CACNA1G: variants seen among roughly 807,000 people sequenced by gnomAD.
The protein encoded by CACNA1G is voltage-dependent T-type calcium channel subunit alpha-1G.
Under a neutral mutation model 219.4 loss-of-function variants are expected in CACNA1G, and 67 were observed. That is an observed-to-expected ratio of 0.31 (90% CI 0.25 to 0.37). The LOEUF is 0.37. CACNA1G is among the 10% of genes least tolerant of loss of function. The pLI, the probability that CACNA1G is intolerant of heterozygous loss-of-function variation, is 1.00. For synonymous variants in CACNA1G, 1,296 were observed against 1,345.3 expected (o/e 0.96, Z 0.80); for missense variants, 2,380 against 3,231.4 (o/e 0.74, Z 6.39).
At chr17:50,564,689 C>A (rs566223794) in intron 1 of CACNA1G, among the ~76,000 whole-genome samples, 17 of 152,224 alleles carry the variant, frequency 1.1e-4, no homozygotes, top group Admixed American at 3.3e-4. Flanking sequence ...CTGCCTATTT[C>A]TCTTACCTAG....
rs1242619236 is a variant in CACNA1G at position 50,617,676 on chromosome 17, C to T, written c.5155+105C>T. ...TCAAGGCCTGGGCGGCTGTGGGTTC[C>T]CATGGGTCTTTCTCCCAGCTTCTGC... On this transcript the variant is annotated intron_variant, in intron 29 of 37. Transcript: ENST00000359106. The surrounding 1 kb of genome is among the most constrained non-coding windows in gnomAD (Gnocchi z 5.8). The T allele has an allele frequency of 4.7e-6, 7 of 1,477,738 alleles. No individual in the cohort carries two copies. The East Asian group carries it at 1.2e-4, about 25-fold the overall frequency. The allele number at this position is 1,477,738 out of a possible 1,614,324, so 91.5% of individuals were successfully genotyped here. A position where few individuals can be genotyped will look rare whatever the true frequency, so the allele number is the denominator to read the frequency against.
chr17:50,599,351 C>T, intron 16 of CACNA1G, 77 bp from the exon 17 acceptor site: 1 of 1,316,602 alleles, frequency 7.6e-7, no homozygotes, highest in Non-Finnish European at 1.0e-6. Context: ...AGTGAGGCTC[C>T]CAGGAGACCG....
chr17:50,612,146 G>T (rs1598651594), intron 26 of CACNA1G, among the ~76,000 whole-genome samples: 1 of 152,266 alleles, frequency 6.6e-6, no homozygotes, highest in East Asian at 1.9e-4. Context: ...TACCCCAGAG[G>T]TTCTCCTACA....
Position 50,618,921 on chromosome 17 carries a change from C to T in CACNA1G, c.5694C>T (p.Pro1898=), listed in dbSNP as rs757588827. 2.1e-4 allele frequency: 335 copies of T among 1,601,300 alleles called. No homozygotes were observed. The highest frequency in any genetic ancestry group is 2.5e-4 in the Non-Finnish European group (299 of 1,172,656). The change falls in exon 33 of 38, where the codon CCC becomes CCT. Residue 1898 remains proline, a synonymous_variant. Transcript: ENST00000359106. This position sits in a 1 kb window ranked among gnomAD's most constrained non-coding sequence, Gnocchi z 5.3. The stretch of plus-strand genomic sequence containing the variant: ...TCCTCTGGCCTGGGGTCGAGGGCCC[C>T]GACAGCCCCGACAGCCCCAAGCCTG... The part of the protein sequence containing the change: ...SPFLWPGVEG[P]DSPDSPKPGA...
intron 1 of CACNA1G, among the ~76,000 whole-genome samples, chr17:50,568,364 C>T (rs2073148656): frequency 6.6e-6 from 1 of 152,150 alleles, no homozygotes; most frequent in African/African-American, 2.4e-5. Context: ...AAATGATCTA[C>T]CCCAGATATT....
chr17:50,623,476 C>T (rs956119038), intron 35 of CACNA1G, among the ~76,000 whole-genome samples: 2 of 151,892 alleles, frequency 1.3e-5, no homozygotes, highest in Non-Finnish European at 2.9e-5. Context: ...CAGCCCATCC[C>T]TGTGGACACC....
In CACNA1G at chr17:50,591,834, C is replaced by T. The variant is rs2044402239; in HGVS notation, c.2735C>T (p.Ala912Val). The T allele has an allele frequency of 6.2e-7, 1 of 1,613,928 alleles. No individual in the cohort carries two copies. The highest frequency in any genetic ancestry group is 8.5e-7 in the Non-Finnish European group (1 of 1,179,852). Residue 912 changes from alanine to valine, a missense_variant, in exon 12 of 38, where the codon GCC becomes GTC. Coordinates refer to ENST00000359106, the MANE Select transcript of CACNA1G (RefSeq NM_018896.5). ...AAGAATTTTGACTCCTTGCTCTGGG[C>T]CATCGTCACTGTCTTTCAGGTGCGA... ...DRKNFDSLLW[A>V]IVTVFQILTQ...
In CACNA1G at chr17:50,561,067, C is replaced by A. The variant is rs1399693278; in HGVS notation, c.-393C>A. On this transcript the variant is annotated 5_prime_UTR_variant, in exon 1 of 38. Coordinates refer to ENST00000359106, the MANE Select transcript of CACNA1G (RefSeq NM_018896.5). Reference sequence around the variant, plus strand: ...AAGAGGGGGCGCCCCTCCCCGGACCCCCGCCCTCCGCCGCTGCCCCCCTTT... The same window carrying A: ...AAGAGGGGGCGCCCCTCCCCGGACCACCGCCCTCCGCCGCTGCCCCCCTTT... 5.1e-6 allele frequency: 2 copies of A among 394,362 alleles called. No individual in the cohort carries two copies. The highest frequency in any genetic ancestry group is 1.8e-5 in the South Asian group (1 of 55,104). The allele number at this position is 394,362 out of a possible 1,614,324, so 24.4% of individuals were successfully genotyped here. A position where few individuals can be genotyped will look rare whatever the true frequency, so the allele number is the denominator to read the frequency against.
In CACNA1G at chr17:50,596,576, G is replaced by T; in HGVS notation, c.2994G>T (p.Lys998Asn). Residue 998 changes from lysine to asparagine, a missense_variant, in exon 15 of 38, where the codon AAG becomes AAT. By Grantham distance (94) the Lys-to-Asn change is moderately conservative. Around this residue, in one of 17 missense-constraint regions of CACNA1G, gnomAD observed 418 missense variants for 434.3 expected, o/e 0.96. Transcript: ENST00000359106. This position sits in a 1 kb window ranked among gnomAD's most constrained non-coding sequence, Gnocchi z 4.8. ...PVDSQGGDAN[K>N]SESEPDFFSP... is the part of the protein sequence containing the mutation. ...CCCTGCCCTAGGGAGATGCCAACAA[G>T]TCCGAATCAGAGCCCGATTTCTTCT... 1 of 1,613,990 alleles carries T rather than the reference G, an allele frequency of 6.2e-7. No individual in the cohort carries two copies. The highest frequency in any genetic ancestry group is 8.5e-7 in the Non-Finnish European group (1 of 1,179,870).
chr17:50,622,249 C>A (rs985815798), intron 35 of CACNA1G, among the ~76,000 whole-genome samples: 2 of 151,130 alleles, frequency 1.3e-5, no homozygotes, highest in African/African-American at 4.9e-5. Flanking sequence ...TCTCTGCCAC[C>A]GCTGCCATGC....
chr17:50,582,152 G>A (rs1283685618), intron 9 of CACNA1G, among the ~76,000 whole-genome samples: 1 of 152,216 alleles, frequency 6.6e-6, no homozygotes, highest in Admixed American at 6.5e-5. Context: ...TACTTGATGT[G>A]GCACATGCTC....
chr17:50,601,188 C>T lies in CACNA1G; in HGVS notation c.3915+14C>T, dbSNP rs377753144. 31 of 1,613,186 alleles carry T rather than the reference C, an allele frequency of 1.9e-5. No individual in the cohort carries two copies. The Admixed American group carries it at 3.2e-4, about 16-fold the overall frequency. ...CCCCACAGCGCTGTGAGTCACCAGCCCCGCTCAGGGCAAGGCCTCTCCTGG... is the reference window on the plus strand; with the variant it reads ...CCCCACAGCGCTGTGAGTCACCAGCTCCGCTCAGGGCAAGGCCTCTCCTGG... On this transcript the variant is annotated intron_variant, in intron 19 of 37. Coordinates refer to ENST00000359106, the MANE Select transcript of CACNA1G (RefSeq NM_018896.5).
Position 50,578,194 on chromosome 17 carries a change from G to A in CACNA1G, c.1931G>A (p.Cys644Tyr), listed in dbSNP as rs200203979. 641 of 1,572,310 alleles carry A rather than the reference G, an allele frequency of 4.1e-4. No homozygotes were observed. The highest frequency in any genetic ancestry group is 2.9e-3 in the Middle Eastern group (17 of 5,766). The change falls in exon 9 of 38, where the codon TGC (cysteine) becomes TAC (tyrosine). Residue 644 changes from cysteine (C) to tyrosine (Y), a missense_variant. This residue lies in a region of CACNA1G where 434 missense variants were observed against 417.3 expected (regional missense o/e 1.04). Transcript: ENST00000359106. The surrounding 1 kb of genome is among the most constrained non-coding windows in gnomAD (Gnocchi z 4.5). ...KLLETQSTGA[C>Y]QSSCKISSPC... ...CTCTACTCTCCTGTTCCAGGTGCCT[G>A]CCAAAGCTCTTGCAAGATCTCCAGC...
chr17:50,576,148 G>C lies in CACNA1G; in HGVS notation c.1746G>C (p.Arg582Ser), dbSNP rs1175648209. 1 of 1,608,444 alleles carries C rather than the reference G, an allele frequency of 6.2e-7. No individual in the cohort carries two copies. Among genetic ancestry groups the C allele is most frequent in the Non-Finnish European group, 8.5e-7 (1 of 1,178,114 alleles). The change falls in exon 8 of 38, where the codon AGG becomes AGC. Residue 582 changes from arginine (R) to serine (S), a missense_variant. Transcript: ENST00000359106. Reference protein sequence around the residue: ...PPRSPSEASGRTVGSGKVYPT... With the variant: ...PPRSPSEASGSTVGSGKVYPT... ...GGTCCCCATCTGAGGCATCCGGCAG[G>C]ACTGTGGGCAGCGGGAAGGTGTATC...
At chr17:50,608,095 G>C in intron 25 of CACNA1G, 76 bp downstream of exon 25, 1 of 1,382,794 alleles carries the variant, frequency 7.2e-7, no homozygotes, top group East Asian at 2.5e-5. Flanking sequence ...CCTTGCGACT[G>C]CAGGGGGCTG....
chr17:50,594,426 G>A lies in CACNA1G; in HGVS notation c.2911-567G>A, dbSNP rs374410593. On this transcript the variant is annotated intron_variant, in intron 13 of 37. Coordinates refer to ENST00000359106, the MANE Select transcript of CACNA1G (RefSeq NM_018896.5). ...ACGTTATGAGGCCTGACTTGGCTCC[G>A]TGTTGACTCTGACTTTCGTCCATTC... Among the ~76,000 whole-genome samples the A allele has an allele frequency of 2.6e-5, 4 of 152,306 alleles. No individual in the cohort carries two copies. The South Asian group carries it at 6.2e-4, about 24-fold the overall frequency.
At chr17:50,586,324 T>C (rs1047033850) in intron 9 of CACNA1G, among the ~76,000 whole-genome samples, 2 of 152,112 alleles carry the variant, frequency 1.3e-5, no homozygotes, top group Non-Finnish European at 2.9e-5. Flanking sequence ...CCTGCCGACC[T>C]TGTAGCCTTC....
chr17:50,584,617 C>T (rs1293593342), intron 9 of CACNA1G, among the ~76,000 whole-genome samples: 1 of 43,386 alleles, frequency 2.3e-5, no homozygotes, highest in Non-Finnish European at 4.4e-5. Flanking sequence ...TAGGGGGTGA[C>T]AGGGGGGCGG....
intron 10 of CACNA1G, among the ~76,000 whole-genome samples, chr17:50,590,956 TG>T (rs1452959719): frequency 6.6e-6 from 1 of 152,104 alleles, no homozygotes; most frequent in Non-Finnish European, 1.5e-5. Context: ...TTAGAGGAGT[TG>T]GAAGAGGTAT....
Sources: gnomAD v4.1 joint callset for allele counts (sites outside exome capture counted in the v4.1 genomes callset) on GRCh38, gnomAD v4.1.1 for gene constraint, gnomAD v4.1.1 regional missense constraint, Gnocchi (gnomAD v3.1) non-coding constraint, MANE v1.5 for transcripts, NCBI Gene and HGNC (gene_info 2026-07-23, HGNC 2026-07-21) for gene names.